CNTFR: variants seen among roughly 807,000 people sequenced by gnomAD.
CNTFR encodes ciliary neurotrophic factor receptor subunit alpha.
CNTFR carries 12 observed loss-of-function variants against 40.4 expected under a neutral mutation model. The ratio of observed to expected loss-of-function variants is 0.30; its 90% CI spans 0.19 to 0.48. CNTFR has a LOEUF of 0.48. Among genes scored for constraint, CNTFR ranks in the 20% least tolerant of loss-of-function variants. The pLI is 0.99. For missense variants in CNTFR, 414 were observed against 506.8 expected (o/e 0.82, Z 1.76); for synonymous variants, 202 against 209.6 (o/e 0.96, Z 0.31).
intron 2 of CNTFR, among the ~76,000 whole-genome samples, chr9:34,570,889 T>C (rs996813251): frequency 5.9e-5 from 9 of 152,218 alleles, no homozygotes; most frequent in Non-Finnish European, 1.3e-4. Context: ...AGAGGGCTCC[T>C]GCCTGCCTTT....
Position 34,564,703 on chromosome 9 carries a change from G to C in CNTFR, c.215C>G (p.Ser72Cys). 1 of 1,614,146 alleles carries C rather than the reference G, an allele frequency of 6.2e-7. No individual in the cohort carries two copies. The highest frequency in any genetic ancestry group is 8.5e-7 in the Non-Finnish European group (1 of 1,180,012). ...TDLAPDLLNGSQLVLHGLELG... is the reference protein window; with the variant it reads ...TDLAPDLLNGCQLVLHGLELG... ...TTCCAGGCCATGGAGCACCAGCTGA[G>C]AGCCGTTGAGCAGGTCAGGGGCCAG... The change falls in exon 4 of 10, where the codon TCT (serine) becomes TGT (cysteine). Residue 72 changes from serine (S) to cysteine (C), a missense_variant. Ser to Cys is a moderately radical substitution (Grantham distance 112). Coordinates refer to ENST00000378980, the MANE Select transcript of CNTFR (RefSeq NM_147164.3).
At chr9:34,566,329 A>G (rs1826291902) in intron 3 of CNTFR, among the ~76,000 whole-genome samples, 1 of 152,178 alleles carries the variant, frequency 6.6e-6, no homozygotes. Context: ...AGGAAGCAGG[A>G]AACCCAGCCA....
At chr9:34,568,774 G>T in intron 3 of CNTFR, 123 bp downstream of exon 3, 1 of 810,342 alleles carries the variant, frequency 1.2e-6, no homozygotes, top group Non-Finnish European at 2.0e-6. Flanking sequence ...TGTCCCTCTG[G>T]GTGGTCATGT....
rs1827699817 is a variant in CNTFR, at chr9:34,589,711, G to A, written c.-268C>T. On this transcript the variant is annotated 5_prime_UTR_variant, in exon 1 of 10. Transcript: ENST00000378980. The surrounding 1 kb of genome is among the most constrained non-coding windows in gnomAD (Gnocchi z 4.4). ...CGCCGCCTCCGCTGCCGCCGCCGCC[G>A]CCGCCCGCTCTGCACCGGCTCTTCA... 1.3e-5 allele frequency: 2 copies of A among 156,842 alleles called. No homozygotes were observed. Among genetic ancestry groups the A allele is most frequent in the South Asian group, 1.7e-4 (1 of 5,748 alleles). The allele number at this position is 156,842 out of a possible 1,614,324, so 9.7% of individuals were successfully genotyped here.
intron 2 of CNTFR, among the ~76,000 whole-genome samples, chr9:34,573,051 G>A (rs1826756259): frequency 6.6e-6 from 1 of 152,192 alleles, no homozygotes; most frequent in Non-Finnish European, 1.5e-5. Flanking sequence ...CAGACACAGC[G>A]ACAGGCTCCA....
At chr9:34,560,181 C>T (rs1305490309) in intron 4 of CNTFR, among the ~76,000 whole-genome samples, 1 of 152,044 alleles carries the variant, frequency 6.6e-6, no homozygotes, top group Non-Finnish European at 1.5e-5. Flanking sequence ...GCCGGGTGGG[C>T]GGAGGTGGGG....
At chr9:34,564,944 G>A (rs1328521015) in intron 3 of CNTFR, 112 bp from the exon 4 acceptor site, 1 of 838,834 alleles carries the variant, frequency 1.2e-6, no homozygotes, top group African/African-American at 1.7e-5. Context: ...GAGGACGAGA[G>A]GCTCGGTGTC....
chr9:34,565,018 G>A (rs1826224503), intron 3 of CNTFR, among the ~76,000 whole-genome samples, 186 bp from the exon 4 acceptor site: 1 of 152,182 alleles, frequency 6.6e-6, no homozygotes, highest in South Asian at 2.1e-4. Flanking sequence ...AAGTGTGTGG[G>A]TATATGAATG....
chr9:34,577,829 C>A (rs113687796), intron 2 of CNTFR, among the ~76,000 whole-genome samples: 4,292 of 147,172 alleles, frequency 0.029, 145 homozygotes, highest in African/African-American at 0.085. Flanking sequence ...GGGGGAGAGA[C>A]AGAGAAGAGA....
chr9:34,570,668 A>G (rs1196123563), intron 2 of CNTFR, among the ~76,000 whole-genome samples: 1 of 152,226 alleles, frequency 6.6e-6, no homozygotes, highest in Admixed American at 6.5e-5. Context: ...ACACACTGCC[A>G]GAGACACCGT....
chr9:34,554,821 G>A (rs1170850306), intron 7 of CNTFR, among the ~76,000 whole-genome samples: 2 of 152,198 alleles, frequency 1.3e-5, no homozygotes, highest in East Asian at 3.8e-4. Context: ...AATAGACTCT[G>A]TTCACAGCAA....
chr9:34,579,030 C>T (rs534485086), intron 2 of CNTFR, among the ~76,000 whole-genome samples: 1 of 152,334 alleles, frequency 6.6e-6, no homozygotes, highest in African/African-American at 2.4e-5. Flanking sequence ...CTGGGCTTGT[C>T]AGGTGTGCAC....
In CNTFR at chr9:34,552,356, C is replaced by T. The variant is rs1359788969; in HGVS notation, c.950-27G>A. 5 of 1,528,272 alleles carry T rather than the reference C, an allele frequency of 3.3e-6. No homozygotes were observed. Among genetic ancestry groups the T allele is most frequent in the South Asian group, 2.4e-5 (2 of 82,682 alleles). 94.7% of individuals were successfully genotyped at this position (1,528,272 alleles called of 1,614,324 possible). A position where few individuals can be genotyped will look rare whatever the true frequency, so the allele number is the denominator to read the frequency against. ...TGGGGAACATGGGGGAAACTCAGGGCAAGGCCAGGGCTGGGTCCCATCCAG... is the reference window on the plus strand; with the variant it reads ...TGGGGAACATGGGGGAAACTCAGGGTAAGGCCAGGGCTGGGTCCCATCCAG... On this transcript the variant is annotated intron_variant, in intron 8 of 9. Transcript: ENST00000378980. The surrounding 1 kb of genome is among the most constrained non-coding windows in gnomAD (Gnocchi z 5.1).
At chr9:34,576,009 T>TCA (rs932063473) in intron 2 of CNTFR, among the ~76,000 whole-genome samples, 1 of 151,502 alleles carries the variant, frequency 6.6e-6, no homozygotes, top group Non-Finnish European at 1.5e-5. Flanking sequence ...ACACACGTGC[T>TCA]CACACACACA....
At chr9:34,584,518 CG>C (rs970002981) in intron 1 of CNTFR, among the ~76,000 whole-genome samples, 1 of 152,202 alleles carries the variant, frequency 6.6e-6, no homozygotes, top group African/African-American at 2.4e-5. Context: ...ATCCGAACCC[CG>C]TGTTCTCAGA....
chr9:34,570,701 G>C (rs977617149), intron 2 of CNTFR, among the ~76,000 whole-genome samples: 1 of 152,176 alleles, frequency 6.6e-6, no homozygotes, highest in African/African-American at 2.4e-5. Context: ...CAGAGAAACA[G>C]CCAGACACAC....
chr9:34,554,233 C>A (rs1468583690), intron 7 of CNTFR, among the ~76,000 whole-genome samples: 1 of 152,194 alleles, frequency 6.6e-6, no homozygotes, highest in Non-Finnish European at 1.5e-5. Context: ...GGCAAAGATA[C>A]CCTCTGGCTG....
At position 34,552,985 on chromosome 9, in the gene CNTFR, G is replaced by C; in HGVS notation, c.769-131C>G. 1.3e-6 allele frequency: 1 copy of C among 752,808 alleles called. No homozygotes were observed. Among genetic ancestry groups the C allele is most frequent in the East Asian group, 2.7e-5 (1 of 37,662 alleles). The allele number at this position is 752,808 out of a possible 1,614,324, so 46.6% of individuals were successfully genotyped here. ...CTCTGGGGGCAGTGAGGACTTCCCT[G>C]AGGAGAAGGAGGACATGGAGAATAT... is the stretch of plus-strand genomic sequence containing the variant. On this transcript the variant is annotated intron_variant, in intron 7 of 9. Transcript: ENST00000378980. This position sits in a 1 kb window ranked among gnomAD's most constrained non-coding sequence, Gnocchi z 5.1.
At chr9:34,554,594 C>T (rs1825762244) in intron 7 of CNTFR, among the ~76,000 whole-genome samples, 1 of 152,230 alleles carries the variant, frequency 6.6e-6, no homozygotes, top group South Asian at 2.1e-4. Context: ...GACACGCCCT[C>T]CAGGCCATCG....
Sources: gnomAD v4.1 joint callset for allele counts (sites outside exome capture counted in the v4.1 genomes callset) on GRCh38, gnomAD v4.1.1 for gene constraint, Gnocchi (gnomAD v3.1) non-coding constraint, MANE v1.5 for transcripts, NCBI Gene and HGNC (gene_info 2026-07-23, HGNC 2026-07-21) for gene names.